Variants in CACNA2D4 observed in about 807,000 individuals in gnomAD.
CACNA2D4 encodes calcium voltage-gated channel auxiliary subunit alpha2delta 4.
A neutral mutation model predicts 163.8 loss-of-function variants in CACNA2D4; 157 were observed. The ratio of observed to expected loss-of-function variants is 0.96; its 90% CI spans 0.84 to 1.09. The LOEUF (loss-of-function observed/expected upper bound fraction) is 1.09, where lower values mean the gene tolerates loss of function less well. CACNA2D4 is among the 50% of genes least tolerant of loss of function. The probability of loss-of-function intolerance (pLI) is 0.00; values close to 1 mark genes in which losing one functional copy is unlikely to be tolerated. For synonymous variants in CACNA2D4, 598 were observed against 586.9 expected, an observed-to-expected ratio of 1.02 and a Z score of -0.27; for missense variants, 1,410 against 1,479.9, an observed-to-expected ratio of 0.95 and a Z score of 0.78.
chr12:1,824,782 G>A (rs1204341328), intron 26 of CACNA2D4, among the ~76,000 whole-genome samples: 1 of 152,198 alleles, frequency 6.6e-6, no homozygotes, highest in African/African-American at 2.4e-5. Context: ...CCTTTGGATG[G>A]AGGCGTGTTG....
At chr12:1,821,078 C>G (rs1300361773) in intron 26 of CACNA2D4, among the ~76,000 whole-genome samples, 1 of 152,178 alleles carries the variant, frequency 6.6e-6, no homozygotes, top group Non-Finnish European at 1.5e-5. Context: ...AGGAGGGCAG[C>G]GCTGGCGCCA....
At chr12:1,912,021 T>C (rs1558140) in intron 3 of CACNA2D4, among the ~76,000 whole-genome samples, 109,240 of 152,062 alleles carry the variant, frequency 0.72, 39,562 homozygotes, top group Non-Finnish European at 0.76. Flanking sequence ...CTGCACATTA[T>C]AACAAGTGGG....
chr12:1,907,957 C>T lies in CACNA2D4; in HGVS notation c.567G>A (p.Leu189=), dbSNP rs370067777. The T allele has an allele frequency of 6.2e-6, 10 of 1,613,940 alleles. No individual in the cohort carries two copies. In the African/African-American group the frequency reaches 1.3e-4, roughly 22 times the overall value. Reference sequence around the variant, plus strand: ...GGTTGCTGAAGTGAGCATTGGACTCCAGGAGGAACTCGGCGCCCAGCTCCA... The same window carrying T: ...GGTTGCTGAAGTGAGCATTGGACTCTAGGAGGAACTCGGCGCCCAGCTCCA... ...NFVELGAEFL[L]ESNAHFSNLP... Residue 189 remains leucine (L), a synonymous_variant, in exon 5 of 38, where the codon CTG becomes CTA. Coordinates refer to ENST00000382722, the MANE Select transcript of CACNA2D4 (RefSeq NM_172364.5).
chr12:1,795,494 T>G (rs1472684754), intron 36 of CACNA2D4, 113 bp from the exon 37 acceptor site: 12 of 1,112,818 alleles, frequency 1.1e-5, no homozygotes, highest in Non-Finnish European at 1.6e-5. Flanking sequence ...CAAGCAGCTT[T>G]AGGGTCAGGA....
In CACNA2D4 at chr12:1,815,244, C is replaced by T. The variant is rs144626372; in HGVS notation, c.2552-3521G>A. 7.2e-3 allele frequency among the ~76,000 whole-genome samples: 1,091 copies of T among 152,192 alleles called. 31 individuals carry two copies. Among genetic ancestry groups the T allele is most frequent in the African/African-American group, 0.025 (1,026 of 41,422 alleles). The stretch of plus-strand genomic sequence containing the variant: ...AAGATGGCCACAGGAACTGGCTCTG[C>T]TGATTTCTCTGATTTCATCCAGAAA... On this transcript the variant is annotated intron_variant, in intron 26 of 37. Coordinates refer to ENST00000382722, the MANE Select transcript of CACNA2D4 (RefSeq NM_172364.5).
intron 23 of CACNA2D4, among the ~76,000 whole-genome samples, chr12:1,847,320 G>C (rs1479639680): frequency 6.6e-6 from 1 of 152,194 alleles, no homozygotes; most frequent in Non-Finnish European, 1.5e-5. Flanking sequence ...TCTTGTCTTT[G>C]GCACAGTGGA....
chr12:1,888,376 G>A (rs1866201350), intron 6 of CACNA2D4, among the ~76,000 whole-genome samples: 1 of 152,154 alleles, frequency 6.6e-6, no homozygotes, highest in Non-Finnish European at 1.5e-5. Context: ...CTCTGAAGAG[G>A]ACAAGCAGCA....
At chr12:1,809,440 C>G in intron 29 of CACNA2D4, 5 of 674,484 alleles carry the variant, frequency 7.4e-6, no homozygotes, top group Non-Finnish European at 1.3e-5. Context: ...AATACTATGC[C>G]CCTTTCCCCG....
chr12:1,831,624 G>A (rs542707720), intron 26 of CACNA2D4: 10 of 1,079,008 alleles, frequency 9.3e-6, no homozygotes, highest in Admixed American at 2.4e-5. Flanking sequence ...CAGAGAGCAG[G>A]CCAGGGGAAA....
chr12:1,831,641 G>A, intron 26 of CACNA2D4: 2 of 858,602 alleles, frequency 2.3e-6, no homozygotes, highest in African/African-American at 3.4e-5. Flanking sequence ...GAAAGAAGGG[G>A]GCGACCCTGC....
chr12:1,799,909 C>T lies in CACNA2D4; in HGVS notation c.2974+91G>A. On this transcript the variant is annotated intron_variant, in intron 33 of 37. Coordinates refer to ENST00000382722, the MANE Select transcript of CACNA2D4 (RefSeq NM_172364.5). The surrounding 1 kb of genome is among the most constrained non-coding windows in gnomAD (Gnocchi z 4.7). ...GATGCTTCAGGGTCACCTATCCCCA[C>T]TGTCACCCACCCCACAGGGAATGGT... 1 of 1,422,006 alleles carries T rather than the reference C, an allele frequency of 7.0e-7. No homozygotes were observed. The highest frequency in any genetic ancestry group is 9.7e-7 in the Non-Finnish European group (1 of 1,033,504). 88.1% of individuals were successfully genotyped at this position (1,422,006 alleles called of 1,614,324 possible).
rs913835389 is a variant in CACNA2D4, at chr12:1,820,355, C to T, written c.2552-8632G>A. On this transcript the variant is annotated intron_variant, in intron 26 of 37. Transcript: ENST00000382722. The surrounding 1 kb of genome is among the most constrained non-coding windows in gnomAD (Gnocchi z 6.0). Reference sequence around the variant, plus strand: ...GCGATTCATCCACAGGCGCCTTTTTCCACTGAAATGTGAGCGTGGCCAGGG... The same window carrying T: ...GCGATTCATCCACAGGCGCCTTTTTTCACTGAAATGTGAGCGTGGCCAGGG... 1.3e-5 allele frequency: 2 copies of T among 152,224 alleles called. No individual in the cohort carries two copies. Among genetic ancestry groups the T allele is most frequent in the African/African-American group, 4.8e-5 (2 of 41,454 alleles). The allele number at this position is 152,224 out of a possible 1,614,324, so 9.4% of individuals were successfully genotyped here.
At chr12:1,846,510 C>T (rs1487029062) in intron 24 of CACNA2D4, 84 bp downstream of exon 24, 2 of 1,135,098 alleles carry the variant, frequency 1.8e-6, no homozygotes, top group Admixed American at 2.0e-5. Flanking sequence ...TGCCAGTCCA[C>T]CCATGGCCCA....
At chr12:1,807,864 T>TA (rs1163622873) in intron 29 of CACNA2D4, among the ~76,000 whole-genome samples, 6 of 152,158 alleles carry the variant, frequency 3.9e-5, no homozygotes, top group African/African-American at 1.4e-4. Flanking sequence ...CAGGAGCCTC[T>TA]AGAAGGTCAG....
intron 20 of CACNA2D4, 127 bp from the exon 21 acceptor site, chr12:1,856,356 T>A: frequency 2.1e-6 from 2 of 941,896 alleles, no homozygotes; most frequent in Non-Finnish European, 3.4e-6. Flanking sequence ...TTCTTGCTCT[T>A]AGCTCACAGT....
intron 23 of CACNA2D4, among the ~76,000 whole-genome samples, chr12:1,847,131 G>A (rs1468372262): frequency 1.3e-5 from 2 of 152,164 alleles, no homozygotes; most frequent in Non-Finnish European, 2.9e-5. Flanking sequence ...GAAGGGAGGG[G>A]GAGCAGGCAC....
At chr12:1,832,775 C>T (rs1319072996) in intron 26 of CACNA2D4, among the ~76,000 whole-genome samples, 1 of 152,152 alleles carries the variant, frequency 6.6e-6, no homozygotes. Flanking sequence ...GATTTTAAAC[C>T]TTACAGCAGC....
chr12:1,886,995 C>T lies in CACNA2D4; in HGVS notation c.842+14G>A, dbSNP rs777613641. The T allele has an allele frequency of 6.3e-6, 10 of 1,575,486 alleles. No individual in the cohort carries two copies. The highest frequency in any genetic ancestry group is 8.7e-6 in the Non-Finnish European group (10 of 1,153,316). ...AATACCCGGGCCGCAAACCTTTCCC[C>T]TGTGAGCTCTTACCAGCCGCGGTTT... On this transcript the variant is annotated intron_variant, in intron 7 of 37. Coordinates refer to ENST00000382722, the MANE Select transcript of CACNA2D4 (RefSeq NM_172364.5).
chr12:1,884,391 A>G (rs1866083881), intron 11 of CACNA2D4, 70 bp from the exon 12 acceptor site: 2 of 1,282,244 alleles, frequency 1.6e-6, no homozygotes, highest in South Asian at 1.3e-5. Context: ...CATTGTTTAT[A>G]TGAGTCTTAG....
Sources: gnomAD v4.1 joint callset for allele counts (sites outside exome capture counted in the v4.1 genomes callset) on GRCh38, gnomAD v4.1.1 for gene constraint, Gnocchi (gnomAD v3.1) non-coding constraint, MANE v1.5 for transcripts, NCBI Gene and HGNC (gene_info 2026-07-23, HGNC 2026-07-21) for gene names.